The following GALNT13 variants were observed in gnomAD, a reference collection of about 807,000 sequenced individuals.
The protein encoded by GALNT13 is UDP-GalNAc:polypeptide N-acetylgalactosaminyltransferase 13.
In GALNT13, 28 loss-of-function variants were observed where a neutral mutation model predicts 64.2. The ratio of observed to expected loss-of-function variants is 0.44; its 90% CI spans 0.32 to 0.60. The LOEUF (loss-of-function observed/expected upper bound fraction) is 0.60, where lower values mean the gene tolerates loss of function less well. GALNT13 is among the 20% of genes least tolerant of loss of function. The probability of loss-of-function intolerance (pLI) is 0.05; values close to 1 mark genes in which losing one functional copy is unlikely to be tolerated. For synonymous variants in GALNT13, 214 were observed against 224.6 expected (o/e 0.95, Z 0.42); for missense variants, 577 against 669.8 (o/e 0.86, Z 1.53).
chr2:153,951,696 T>A (rs1048930046), intron 3 of GALNT13, among the ~76,000 whole-genome samples: 1 of 152,110 alleles, frequency 6.6e-6, no homozygotes, highest in Non-Finnish European at 1.5e-5. Flanking sequence ...GATATGCCTG[T>A]TAGGGCTCTG....
intron 9 of GALNT13, among the ~76,000 whole-genome samples, chr2:154,315,489 A>G (rs758245732): frequency 5.9e-5 from 9 of 152,190 alleles, no homozygotes; most frequent in Non-Finnish European, 1.3e-4. Flanking sequence ...TTTTATCAGA[A>G]GCACTATTAA....
intron 3 of GALNT13, among the ~76,000 whole-genome samples, chr2:154,092,069 T>G (rs993762932): frequency 2.3e-5 from 3 of 130,054 alleles, no homozygotes; most frequent in African/African-American, 9.2e-5. Flanking sequence ...TCATGCTTCA[T>G]GTCTGGAAAA....
the GALNT13 span, among the ~76,000 whole-genome samples, chr2:153,754,982 G>C: frequency 2.1e-3 from 317 of 152,212 alleles, 1 homozygote; most frequent in African/African-American, 7.5e-3. Flanking sequence ...GGATAGCACT[G>C]TGTTCAATGC....
At chr2:154,398,000 AT>A (rs1699134393) in intron 10 of GALNT13, among the ~76,000 whole-genome samples, 1 of 152,216 alleles carries the variant, frequency 6.6e-6, no homozygotes, top group African/African-American at 2.4e-5. Context: ...AGGGATTTAT[AT>A]TTAATGCAGA....
At chr2:153,658,491 G>A in the GALNT13 span, among the ~76,000 whole-genome samples, 1 of 152,058 alleles carries the variant, frequency 6.6e-6, no homozygotes, top group Non-Finnish European at 1.5e-5. Flanking sequence ...CTATAGCAGG[G>A]TCTTGGCCTT....
chr2:154,264,574 T>G (rs1573979729), intron 8 of GALNT13, among the ~76,000 whole-genome samples: 1 of 151,274 alleles, frequency 6.6e-6, no homozygotes, highest in South Asian at 2.1e-4. Context: ...GAGGCAGAGG[T>G]TGCAGTGAGC....
At chr2:153,291,942 T>A in the GALNT13 span, among the ~76,000 whole-genome samples, 1 of 152,088 alleles carries the variant, frequency 6.6e-6, no homozygotes, top group African/African-American at 2.4e-5. Context: ...CTATGAATAG[T>A]AGCAATACTT....
intron 3 of GALNT13, among the ~76,000 whole-genome samples, chr2:154,017,780 T>C (rs2105266925): frequency 6.6e-6 from 1 of 152,308 alleles, no homozygotes; most frequent in East Asian, 1.9e-4. Context: ...GGCTTATCAC[T>C]ACAAGTTAAT....
chr2:154,283,511 A>T (rs761549812), intron 8 of GALNT13, among the ~76,000 whole-genome samples: 1 of 151,628 alleles, frequency 6.6e-6, no homozygotes, highest in Non-Finnish European at 1.5e-5. Flanking sequence ...TTTTTACTAT[A>T]TATAAATTAT....
At chr2:153,448,118 G>C in the GALNT13 span, among the ~76,000 whole-genome samples, 2 of 152,192 alleles carry the variant, frequency 1.3e-5, no homozygotes, top group African/African-American at 4.8e-5. Context: ...GTGCATCTAT[G>C]TTTGGATTGC....
intron 11 of GALNT13, among the ~76,000 whole-genome samples, chr2:154,411,891 T>C (rs1194261087): frequency 2.0e-5 from 3 of 151,728 alleles, no homozygotes; most frequent in Non-Finnish European, 4.4e-5. Flanking sequence ...AGCTTTGATA[T>C]TGATTGTCCA....
At chr2:153,769,578 T>A in the GALNT13 span, among the ~76,000 whole-genome samples, 1 of 152,224 alleles carries the variant, frequency 6.6e-6, no homozygotes, top group Non-Finnish European at 1.5e-5. Flanking sequence ...TCTTGGATTG[T>A]ATCTTGTAGG....
At chr2:153,620,042 C>G in the GALNT13 span, among the ~76,000 whole-genome samples, 1 of 152,036 alleles carries the variant, frequency 6.6e-6, no homozygotes, top group Admixed American at 6.6e-5. Context: ...ACCTCCTAGT[C>G]CTGTATCTTT....
chr2:154,203,643 A>T (rs531874465), intron 4 of GALNT13, among the ~76,000 whole-genome samples: 1 of 152,140 alleles, frequency 6.6e-6, no homozygotes, highest in Non-Finnish European at 1.5e-5. Context: ...TCCCTGTATC[A>T]GCAAATGACA....
intron 4 of GALNT13, among the ~76,000 whole-genome samples, chr2:154,150,011 T>C (rs1683884896): frequency 6.6e-6 from 1 of 152,190 alleles, no homozygotes; most frequent in Non-Finnish European, 1.5e-5. Context: ...GTGCCCGTTT[T>C]CAAAGGGAAT....
At chr2:153,248,147 G>C in the GALNT13 span, among the ~76,000 whole-genome samples, 1 of 152,122 alleles carries the variant, frequency 6.6e-6, no homozygotes, top group African/African-American at 2.4e-5. Flanking sequence ...AGAGGAGCTG[G>C]TACCATTCCT....
At chr2:153,121,300 C>T in the GALNT13 span, among the ~76,000 whole-genome samples, 10 of 152,116 alleles carry the variant, frequency 6.6e-5, no homozygotes, top group African/African-American at 2.2e-4. Context: ...GTCCATTCCT[C>T]CTGTGGAAAT....
At chr2:153,537,951 G>A in the GALNT13 span, among the ~76,000 whole-genome samples, 7 of 152,288 alleles carry the variant, frequency 4.6e-5, no homozygotes, top group East Asian at 1.2e-3. Flanking sequence ...TACTACATTG[G>A]TACCAGAAGT....
intron 4 of GALNT13, among the ~76,000 whole-genome samples, chr2:154,161,692 A>G (rs900541705): frequency 6.6e-6 from 1 of 152,106 alleles, no homozygotes; most frequent in African/African-American, 2.4e-5. Context: ...TTGGAAAATC[A>G]TTTTTCAATG....
Sources: gnomAD v4.1 joint callset for allele counts (sites outside exome capture counted in the v4.1 genomes callset) on GRCh38, gnomAD v4.1.1 for gene constraint, MANE v1.5 for transcripts, NCBI Gene and HGNC (gene_info 2026-07-23, HGNC 2026-07-21) for gene names.